Variants in PRRX2 observed in about 807,000 individuals in gnomAD.
PRRX2 encodes the protein paired mesoderm homeobox protein 2.
PRRX2 carries 11 observed loss-of-function variants against 18.0 expected under a neutral mutation model. That is an observed-to-expected ratio of 0.61 (90% CI 0.39 to 1.01). The LOEUF (loss-of-function observed/expected upper bound fraction) is 1.01, where lower values mean the gene tolerates loss of function less well. Among genes scored for constraint, PRRX2 ranks in the 50% least tolerant of loss-of-function variants. The pLI, the probability that PRRX2 is intolerant of heterozygous loss-of-function variation, is 0.01. For synonymous variants in PRRX2, 177 were observed against 154.8 expected (o/e 1.14, Z -1.06); for missense variants, 387 against 351.0 (o/e 1.10, Z -0.82).
intron 1 of PRRX2, among the ~76,000 whole-genome samples, chr9:129,692,103 G>A (rs889986287): frequency 1.3e-5 from 2 of 150,170 alleles, no homozygotes; most frequent in South Asian, 2.1e-4. Flanking sequence ...ACACCACCAC[G>A]CCTGGCTAGT....
At chr9:129,705,530 T>C (rs892407915) in intron 1 of PRRX2, among the ~76,000 whole-genome samples, 1 of 152,020 alleles carries the variant, frequency 6.6e-6, no homozygotes, top group African/African-American at 2.4e-5. Flanking sequence ...AATTTTTGTA[T>C]TTTTAGTAGA....
At chr9:129,710,947 C>T (rs955765215) in intron 1 of PRRX2, among the ~76,000 whole-genome samples, 6 of 152,134 alleles carry the variant, frequency 3.9e-5, no homozygotes, top group Non-Finnish European at 7.4e-5. Flanking sequence ...CCCGGCCTGA[C>T]TGTGGCCCAC....
chr9:129,712,686 C>T (rs1210566392), intron 1 of PRRX2, among the ~76,000 whole-genome samples: 1 of 152,160 alleles, frequency 6.6e-6, no homozygotes, highest in East Asian at 1.9e-4. Flanking sequence ...CGTTTCTCTC[C>T]TCTGGGATCC....
In PRRX2 at chr9:129,715,750, T is replaced by TCTCTCTCTCACACACACA. The variant is rs762929485; in HGVS notation, c.260-3480_260-3479insTCTCTCTCACACACACAC. 5.0e-5 allele frequency among the ~76,000 whole-genome samples: 7 copies of TCTCTCTCTCACACACACA among 138,948 alleles called. No individual in the cohort carries two copies. Among genetic ancestry groups the TCTCTCTCTCACACACACA allele is most frequent in the African/African-American group, 1.6e-4 (6 of 36,914 alleles). The allele number at this position is 138,948 out of a possible 152,430, so 91.2% of individuals were successfully genotyped here. A position where few individuals can be genotyped will look rare whatever the true frequency, so the allele number is the denominator to read the frequency against. ...AAACCCAGCTTCAGGGACATCTTTC[T>TCTCTCTCTCACACACACA]CACACACACACACACACACACACAC... On this transcript the variant is annotated intron_variant, in intron 1 of 3. Coordinates refer to ENST00000372469, the MANE Select transcript of PRRX2 (RefSeq NM_016307.4). The surrounding 1 kb of genome is among the most constrained non-coding windows in gnomAD (Gnocchi z 4.0).
chr9:129,673,840 GGA>G (rs1348615494), intron 1 of PRRX2, among the ~76,000 whole-genome samples: 1 of 152,248 alleles, frequency 6.6e-6, no homozygotes, highest in Non-Finnish European at 1.5e-5. Flanking sequence ...GTGGTGAGTA[GGA>G]GAGAGTCGTG....
intron 1 of PRRX2, among the ~76,000 whole-genome samples, chr9:129,698,611 G>A (rs918689510): frequency 3.3e-5 from 5 of 152,238 alleles, no homozygotes; most frequent in African/African-American, 4.8e-5. Flanking sequence ...TGCTAGGCGC[G>A]TGTGGGCAGA....
intron 1 of PRRX2, among the ~76,000 whole-genome samples, chr9:129,677,958 CTTTTTTTT>C (rs760645440): frequency 3.5e-5 from 4 of 113,122 alleles, no homozygotes; most frequent in Non-Finnish European, 5.2e-5. Context: ...TTCTTTCTTT[CTTTTTTTT>C]TTTTTTTTTT....
rs1832688119 is a variant in PRRX2 at position 129,715,167 on chromosome 9, GT to G, written c.260-4063del. On this transcript the variant is annotated intron_variant, in intron 1 of 3. Transcript: ENST00000372469. This position sits in a 1 kb window ranked among gnomAD's most constrained non-coding sequence, Gnocchi z 4.0. ...CCCGCCTGGTCCCGTATGTTTGCAA[GT>G]ATTTCCCAAAGGGGGAAACTTCTGA... Among the ~76,000 whole-genome samples, 1 of 152,180 alleles carries G rather than the reference GT, an allele frequency of 6.6e-6. No individual in the cohort carries two copies.
chr9:129,703,517 A>G (rs956515988), intron 1 of PRRX2, among the ~76,000 whole-genome samples: 1 of 152,170 alleles, frequency 6.6e-6, no homozygotes, highest in Non-Finnish European at 1.5e-5. Flanking sequence ...ACCCCTGATC[A>G]CTGGCAGTGG....
chr9:129,687,315 G>T (rs1383215815), intron 1 of PRRX2, among the ~76,000 whole-genome samples: 1 of 152,214 alleles, frequency 6.6e-6, no homozygotes, highest in African/African-American at 2.4e-5. Context: ...TCGAGGCCTG[G>T]CAGGGGTGTT....
intron 1 of PRRX2, among the ~76,000 whole-genome samples, chr9:129,700,593 G>A (rs540255140): frequency 4.6e-5 from 7 of 151,578 alleles, no homozygotes; most frequent in African/African-American, 1.7e-4. Flanking sequence ...GCCTCCCAAA[G>A]TGCTGGGATT....
At chr9:129,692,829 G>C (rs1832377467) in intron 1 of PRRX2, among the ~76,000 whole-genome samples, 1 of 152,096 alleles carries the variant, frequency 6.6e-6, no homozygotes, top group South Asian at 2.1e-4. Flanking sequence ...TCTAAGTTTT[G>C]GCAATTATGA....
intron 1 of PRRX2, among the ~76,000 whole-genome samples, chr9:129,698,300 G>T (rs1287050235): frequency 7.0e-6 from 1 of 142,310 alleles, no homozygotes; most frequent in Non-Finnish European, 1.5e-5. Flanking sequence ...TGTCTCCATG[G>T]TTCTCCACCA....
intron 1 of PRRX2, among the ~76,000 whole-genome samples, chr9:129,669,143 G>T (rs566979831): frequency 4.7e-4 from 65 of 138,200 alleles, no homozygotes; most frequent in African/African-American, 1.7e-3. Context: ...AATCTGCTGG[G>T]ATAGCAGGCT....
intron 1 of PRRX2, among the ~76,000 whole-genome samples, chr9:129,711,853 G>T (rs1246315465): frequency 6.6e-6 from 1 of 152,134 alleles, no homozygotes; most frequent in African/African-American, 2.4e-5. Flanking sequence ...TACTGGGGGA[G>T]GTGAGAATCC....
rs553077424 is a variant in PRRX2 at position 129,671,490 on chromosome 9, C to G, written c.259+5364C>G. 4.3e-4 allele frequency among the ~76,000 whole-genome samples: 66 copies of G among 152,288 alleles called. No individual in the cohort carries two copies. The highest frequency in any genetic ancestry group is 1.5e-3 in the African/African-American group (64 of 41,556). Reference sequence around the variant, plus strand: ...TCAACAGGCTGGAGCCACCACTGTCCCCTCCCAGAAAACTCCAGAAAAGCA... The same window carrying G: ...TCAACAGGCTGGAGCCACCACTGTCGCCTCCCAGAAAACTCCAGAAAAGCA... On this transcript the variant is annotated intron_variant, in intron 1 of 3. Transcript: ENST00000372469. The surrounding 1 kb of genome is among the most constrained non-coding windows in gnomAD (Gnocchi z 4.0).
chr9:129,667,900 C>G (rs1832047447), intron 1 of PRRX2, among the ~76,000 whole-genome samples: 1 of 152,282 alleles, frequency 6.6e-6, no homozygotes, highest in Middle Eastern at 3.4e-3. Context: ...CCTGGAGAGC[C>G]CATGAGGCCT....
chr9:129,705,799 G>C (rs1832550046), intron 1 of PRRX2, among the ~76,000 whole-genome samples: 1 of 152,068 alleles, frequency 6.6e-6, no homozygotes, highest in Non-Finnish European at 1.5e-5. Flanking sequence ...TCCCTGGCTG[G>C]GCACGGTGGC....
In PRRX2 at chr9:129,720,641, G is replaced by A; in HGVS notation, c.493G>A (p.Ala165Thr). ...RRAKFRRNER[A>T]MLASRSASLL... ...CGCCAAGTTCCGCAGGAATGAAAGG[G>A]CCATGCTGGCCAGCCGCTCTGCCTC... The change falls in exon 3 of 4, where the codon GCC (alanine) becomes ACC (threonine). Residue 165 changes from alanine to threonine, a missense_variant. Ala to Thr is a moderately conservative substitution (Grantham distance 58). Coordinates refer to ENST00000372469, the MANE Select transcript of PRRX2 (RefSeq NM_016307.4). 6.2e-7 allele frequency: 1 copy of A among 1,613,224 alleles called. No homozygotes were observed.
Sources: gnomAD v4.1 joint callset for allele counts (sites outside exome capture counted in the v4.1 genomes callset) on GRCh38, gnomAD v4.1.1 for gene constraint, Gnocchi (gnomAD v3.1) non-coding constraint, MANE v1.5 for transcripts, NCBI Gene and HGNC (gene_info 2026-07-23, HGNC 2026-07-21) for gene names.